The following FAM241B variants were observed in gnomAD, a reference collection of about 807,000 sequenced individuals.
The protein encoded by FAM241B is protein FAM241B.
FAM241B carries 7 observed loss-of-function variants against 9.3 expected under a neutral mutation model. That is an observed-to-expected ratio of 0.75 (90% CI 0.43 to 1.41). The LOEUF is 1.41. Ranked by LOEUF, FAM241B falls within the 40% of genes most tolerant of loss-of-function variation. The pLI, the probability that FAM241B is intolerant of heterozygous loss-of-function variation, is 0.01. For synonymous variants in FAM241B, 60 were observed against 64.1 expected (o/e 0.94, Z 0.31); for missense variants, 136 against 159.6 (o/e 0.85, Z 0.80).
chr10:69,630,491 C>A (rs1407678599), intron 1 of FAM241B, 178 bp downstream of exon 1: 1 of 361,158 alleles, frequency 2.8e-6, no homozygotes, highest in Non-Finnish European at 4.0e-6. Context: ...CGGGCGGGGG[C>A]GCGATGACAA....
In FAM241B at chr10:69,631,721, A is replaced by G; in HGVS notation, c.-23A>G. 8.1e-6 allele frequency: 13 copies of G among 1,609,334 alleles called. No homozygotes were observed. The highest frequency in any genetic ancestry group is 1.1e-5 in the Non-Finnish European group (13 of 1,178,338). Reference sequence around the variant, plus strand: ...CCACACAATGCAGGTGCAGCCCATCAGGGACCCACAGCGCCTGGGAGGATG... The same window carrying G: ...CCACACAATGCAGGTGCAGCCCATCGGGGACCCACAGCGCCTGGGAGGATG... On this transcript the variant is annotated 5_prime_UTR_variant, in exon 3 of 4. Transcript: ENST00000373279.
In FAM241B at chr10:69,633,208, G is replaced by C. The variant is rs187756447; in HGVS notation, c.*149G>C. ...TGTGTGTTTCCCCTTTGTGTTAAGC[G>C]TGAGGCAGAGGGAGACGTTAGTCCA... is the stretch of plus-strand genomic sequence containing the variant. On this transcript the variant is annotated 3_prime_UTR_variant, in exon 4 of 4. Transcript: ENST00000373279. The C allele has an allele frequency of 2.5e-6, 3 of 1,200,472 alleles. No homozygotes were observed. The highest frequency in any genetic ancestry group is 3.5e-6 in the Non-Finnish European group (3 of 854,456). The allele number at this position is 1,200,472 out of a possible 1,614,324, so 74.4% of individuals were successfully genotyped here.
At chr10:69,632,738 C>A in intron 3 of FAM241B, 52 bp from the exon 4 acceptor site, 1 of 1,578,262 alleles carries the variant, frequency 6.3e-7, no homozygotes, top group East Asian at 2.2e-5. Flanking sequence ...TGATTCCTGG[C>A]TGGTGCGTCA....
rs576414559 is a variant in FAM241B at position 69,631,991 on chromosome 10, ACCTCCCCAGATCTCCTTTCTCCAGGCG to A, written c.96+163_96+189del. The A allele has an allele frequency of 8.7e-4, 843 of 965,876 alleles. 3 individuals carry two copies. The African/African-American group carries it at 0.012, about 13-fold the overall frequency. 59.8% of individuals were successfully genotyped at this position (965,876 alleles called of 1,614,324 possible). On this transcript the variant is annotated intron_variant, in intron 3 of 3. Transcript: ENST00000373279. ...GGGAAGATGCAGTGGCTTATTGTCT[ACCTCCCCAGATCTCCTTTCTCCAGGCG>A]CCTCCCCAGACTTCACAGCCAAGAG...
Position 69,631,850 on chromosome 10 carries a change from A to G in FAM241B, c.96+11A>G. 2 of 1,603,200 alleles carry G rather than the reference A, an allele frequency of 1.2e-6. No individual in the cohort carries two copies. Among genetic ancestry groups the G allele is most frequent in the Non-Finnish European group, 1.7e-6 (2 of 1,175,534 alleles). ...AGCATTCCTCGACAGGTAGGTACTC[A>G]TTTCCTGTGGAGTGGGACAGATGGC... is the stretch of plus-strand genomic sequence containing the variant. On this transcript the variant is annotated intron_variant, in intron 3 of 3. Transcript: ENST00000373279.
rs1393514172 is a variant in FAM241B, at chr10:69,631,835, G to A, written c.92G>A (p.Arg31Gln). The change falls in exon 3 of 4, where the codon CGA becomes CAA. Residue 31 changes from arginine to glutamine, a missense_variant. Physicochemically the swap from Arg to Gln is conservative, Grantham distance 43 (BLOSUM62 1). Transcript: ENST00000373279. The stretch of plus-strand genomic sequence containing the variant: ...CAGCCACCAAGAGGTAGCATTCCTC[G>A]ACAGGTAGGTACTCATTTCCTGTGG... ...TTQPPRGSIPRQSFFNRGHGA... is the reference protein window; with the variant it reads ...TTQPPRGSIPQQSFFNRGHGA... The A allele has an allele frequency of 3.1e-6, 5 of 1,608,694 alleles. No individual in the cohort carries two copies. The South Asian group carries it at 5.6e-5, about 18-fold the overall frequency.
Position 69,632,809 on chromosome 10 carries a change from A to G in FAM241B, c.116A>G (p.His39Arg). 1 of 1,613,668 alleles carries G rather than the reference A, an allele frequency of 6.2e-7. No individual in the cohort carries two copies. The highest frequency in any genetic ancestry group is 1.1e-5 in the South Asian group (1 of 91,038). The part of the protein sequence containing the change: ...IPRQSFFNRG[H>R]GAPPGGPGPR... ...TTCCAGAGCTTCTTCAACAGGGGCC[A>G]TGGTGCTCCCCCAGGGGGTCCTGGC... Residue 39 changes from histidine (H) to arginine (R), a missense_variant, in exon 4 of 4, where the codon CAT (histidine) becomes CGT (arginine). His to Arg is a conservative substitution (Grantham distance 29). Coordinates refer to ENST00000373279, the MANE Select transcript of FAM241B (RefSeq NM_145306.3).
Position 69,631,195 on chromosome 10 carries a change from A to C in FAM241B, c.-103-285A>C, listed in dbSNP as rs116374845. On this transcript the variant is annotated intron_variant, in intron 1 of 3. Coordinates refer to ENST00000373279, the MANE Select transcript of FAM241B (RefSeq NM_145306.3). ...CCGTAGGTGTGATCCCGGGCAGGCC[A>C]CTTAAGTCTCCCTGTGCCTCCGCCT... 5.4e-3 allele frequency among the ~76,000 whole-genome samples: 824 copies of C among 152,270 alleles called. 7 individuals carry two copies. The highest frequency in any genetic ancestry group is 0.019 in the African/African-American group (792 of 41,552).
At position 69,633,224 on chromosome 10, in the gene FAM241B, C is replaced by G. The variant is rs41305047; in HGVS notation, c.*165C>G. ...GTGTTAAGCGTGAGGCAGAGGGAGA[C>G]GTTAGTCCAGCATTTCCAAAGTGTG... On this transcript the variant is annotated 3_prime_UTR_variant, in exon 4 of 4. Transcript: ENST00000373279. 1 of 1,052,216 alleles carries G rather than the reference C, an allele frequency of 9.5e-7. No individual in the cohort carries two copies. Among genetic ancestry groups the G allele is most frequent in the Non-Finnish European group, 1.4e-6 (1 of 729,878 alleles). 65.2% of individuals were successfully genotyped at this position (1,052,216 alleles called of 1,614,324 possible). A position where few individuals can be genotyped will look rare whatever the true frequency, so the allele number is the denominator to read the frequency against.
At chr10:69,630,962 C>A (rs922446975) in intron 1 of FAM241B, among the ~76,000 whole-genome samples, 2 of 152,042 alleles carry the variant, frequency 1.3e-5, no homozygotes, top group African/African-American at 4.8e-5. Context: ...TGTAAAGTAA[C>A]CCCGAAGTGA....
At chr10:69,630,638 T>A (rs1285443374) in intron 1 of FAM241B, 1 of 1,300,306 alleles carries the variant, frequency 7.7e-7, no homozygotes, top group Non-Finnish European at 1.0e-6. Flanking sequence ...TCGGCATACA[T>A]GTCACCAGTG....
intron 3 of FAM241B, 80 bp from the exon 4 acceptor site, chr10:69,632,710 G>A (rs1218330765): frequency 1.3e-5 from 19 of 1,500,470 alleles, no homozygotes; most frequent in Non-Finnish European, 1.7e-5. Flanking sequence ...GGAAGGGCAG[G>A]ATGCAGCCTA....
At chr10:69,631,356 G>A in intron 1 of FAM241B, 124 bp from the exon 2 acceptor site, 1 of 714,414 alleles carries the variant, frequency 1.4e-6, no homozygotes, top group Non-Finnish European at 2.1e-6. Flanking sequence ...TGGCAGTGTA[G>A]TGATTGGCAG....
chr10:69,632,686 C>T, intron 3 of FAM241B, 104 bp from the exon 4 acceptor site: 6 of 1,329,864 alleles, frequency 4.5e-6, no homozygotes, highest in Non-Finnish European at 6.2e-6. Flanking sequence ...AGGGTGTGAC[C>T]CTGGGTGGCT....
chr10:69,630,971 G>C (rs556921945), intron 1 of FAM241B, among the ~76,000 whole-genome samples: 1 of 151,984 alleles, frequency 6.6e-6, no homozygotes, highest in East Asian at 2.0e-4. Context: ...ACCCCGAAGT[G>C]ACCCTCATCT....
At chr10:69,631,655 ACTTCTGTGCCACTTGG>A in intron 2 of FAM241B, 38 bp from the exon 3 acceptor site, 2 of 1,562,302 alleles carry the variant, frequency 1.3e-6, no homozygotes, top group Non-Finnish European at 1.7e-6. Flanking sequence ...GGTGGGGAGA[ACTTCTGTGCCACTTGG>A]CTTCCATTAG....
intron 3 of FAM241B, 30 bp downstream of exon 3, chr10:69,631,869 A>G: frequency 6.3e-7 from 1 of 1,589,240 alleles, no homozygotes; most frequent in Non-Finnish European, 8.6e-7. Flanking sequence ...GGAGTGGGAC[A>G]GATGGCCTCC....
intron 3 of FAM241B, among the ~76,000 whole-genome samples, chr10:69,632,186 C>T (rs1033756789): frequency 6.6e-5 from 10 of 152,144 alleles, no homozygotes; most frequent in Admixed American, 2.6e-4. Flanking sequence ...GGTGGCTGGG[C>T]GCGGTGGCTC....
chr10:69,631,350 A>T, intron 1 of FAM241B, 130 bp from the exon 2 acceptor site: 13 of 650,990 alleles, frequency 2.0e-5, no homozygotes, highest in Non-Finnish European at 3.1e-5. Context: ...TGCTGTTGGC[A>T]GTGTAGTGAT....
Sources: gnomAD v4.1 joint callset for allele counts (sites outside exome capture counted in the v4.1 genomes callset) on GRCh38, gnomAD v4.1.1 for gene constraint, MANE v1.5 for transcripts, NCBI Gene and HGNC (gene_info 2026-07-23, HGNC 2026-07-21) for gene names.